The following CSMD1 variants were observed in gnomAD, a reference collection of about 807,000 sequenced individuals.
CSMD1 encodes the protein CUB and Sushi multiple domains 1.
A neutral mutation model predicts 417.5 loss-of-function variants in CSMD1; 213 were observed. The observed-to-expected ratio is 0.51, with a 90% confidence interval of 0.46 to 0.57. The LOEUF (loss-of-function observed/expected upper bound fraction) is 0.57, where lower values mean the gene tolerates loss of function less well. Among genes scored for constraint, CSMD1 ranks in the 20% least tolerant of loss-of-function variants. The pLI is 0.00. For missense variants in CSMD1, 6,923 were observed against 4,529.7 expected (o/e 1.53, Z -15.17); for synonymous variants, 2,862 against 1,736.8 (o/e 1.65, Z -16.11).
rs554724047 is a variant in CSMD1 at position 4,664,145 on chromosome 8, G to A, written c.86-26587C>T. Among the ~76,000 whole-genome samples, 3 of 152,284 alleles carry A rather than the reference G, an allele frequency of 2.0e-5. No homozygotes were observed. The South Asian group carries it at 6.2e-4, about 32-fold the overall frequency. ...CACACCTGGACAGGTACACCAGCTG[G>A]TAAAGAGAGAGATACTCTCCCTGCG... is the stretch of plus-strand genomic sequence containing the variant. On this transcript the variant is annotated intron_variant, in intron 1 of 69. Coordinates refer to ENST00000635120, the MANE Select transcript of CSMD1 (RefSeq NM_033225.6).
In CSMD1 at chr8:3,181,091, C is replaced by T. The variant is rs1292800628; in HGVS notation, c.5725+19G>A. ...TCAGTATAACAGTGGAAGCTGTATA[C>T]AGAAAGAGTTGACCTTACTTTTGTA... On this transcript the variant is annotated intron_variant, in intron 37 of 69. Transcript: ENST00000635120. 1.3e-6 allele frequency: 2 copies of T among 1,525,170 alleles called. No homozygotes were observed. The highest frequency in any genetic ancestry group is 1.7e-5 in the Admixed American group (1 of 59,590). 94.5% of individuals were successfully genotyped at this position (1,525,170 alleles called of 1,614,324 possible).
At chr8:4,306,503 G>GCT (rs1490272331) in intron 3 of CSMD1, among the ~76,000 whole-genome samples, 2 of 152,018 alleles carry the variant, frequency 1.3e-5, no homozygotes, top group Non-Finnish European at 2.9e-5. Context: ...CTCATTTCTA[G>GCT]AACCACTGAT....
chr8:3,570,626 TG>T (rs1345810526), intron 10 of CSMD1, among the ~76,000 whole-genome samples: 2 of 152,200 alleles, frequency 1.3e-5, no homozygotes, highest in Admixed American at 1.3e-4. Context: ...GAATACAACC[TG>T]GAAGCTCCCT....
intron 18 of CSMD1, chr8:3,373,832 G>A (rs1045479627): frequency 1.3e-5 from 2 of 152,134 alleles, no homozygotes; most frequent in African/African-American, 2.4e-5. Context: ...AAGGATGCAG[G>A]TATGTTACAT....
intron 3 of CSMD1, among the ~76,000 whole-genome samples, chr8:4,255,534 C>T (rs187412565): frequency 6.6e-6 from 1 of 152,282 alleles, no homozygotes; most frequent in East Asian, 1.9e-4. Context: ...TTAAAAGTCG[C>T]AATCACTTTT....
intron 1 of CSMD1, among the ~76,000 whole-genome samples, chr8:4,947,603 T>C (rs559351103): frequency 2.0e-5 from 3 of 152,116 alleles, no homozygotes; most frequent in Admixed American, 6.5e-5. Context: ...TTCCCCTACA[T>C]GTAAACTTAC....
chr8:3,298,988 C>T (rs1234775121), intron 25 of CSMD1, among the ~76,000 whole-genome samples: 1 of 152,120 alleles, frequency 6.6e-6, no homozygotes, highest in African/African-American at 2.4e-5. Flanking sequence ...CAAACATGCA[C>T]CCTGGTACCA....
intron 3 of CSMD1, among the ~76,000 whole-genome samples, chr8:4,141,772 C>T (rs1172317987): frequency 6.6e-6 from 1 of 151,068 alleles, no homozygotes; most frequent in Non-Finnish European, 1.5e-5. Context: ...CGACAATACA[C>T]AGAAGTGAAA....
chr8:4,740,777 T>C (rs549428349), intron 1 of CSMD1, among the ~76,000 whole-genome samples: 1 of 152,218 alleles, frequency 6.6e-6, no homozygotes, highest in Non-Finnish European at 1.5e-5. Flanking sequence ...ACCTCTTCTC[T>C]TAGGTATATT....
At chr8:3,900,177 T>G (rs934170515) in intron 5 of CSMD1, among the ~76,000 whole-genome samples, 1 of 151,746 alleles carries the variant, frequency 6.6e-6, no homozygotes, top group Non-Finnish European at 1.5e-5. Context: ...TGGGTGACAG[T>G]GTAGCTGGGT....
chr8:4,142,365 A>G (rs1265959715), intron 3 of CSMD1, among the ~76,000 whole-genome samples: 2 of 151,042 alleles, frequency 1.3e-5, no homozygotes, highest in Non-Finnish European at 2.9e-5. Flanking sequence ...GGCTGTAGGC[A>G]AATATTAGAG....
intron 7 of CSMD1, among the ~76,000 whole-genome samples, chr8:3,646,650 G>C (rs534692156): frequency 6.6e-6 from 1 of 152,266 alleles, no homozygotes; most frequent in Non-Finnish European, 1.5e-5. Context: ...TGCCAAAGCC[G>C]TGCTCAGAGG....
chr8:4,210,547 A>G lies in CSMD1; in HGVS notation c.416-178448T>C, dbSNP rs376911651. 1.0e-3 allele frequency among the ~76,000 whole-genome samples: 155 copies of G among 152,308 alleles called. No individual in the cohort carries two copies. The Middle Eastern group carries it at 0.017, about 17-fold the overall frequency. On this transcript the variant is annotated intron_variant, in intron 3 of 69. Transcript: ENST00000635120. ...AATTGGTTCATCTTTGACTTTTAAG[A>G]AAGCACAAATAGGAAACACAATATC...
At chr8:4,717,563 T>TATCA (rs765602082) in intron 1 of CSMD1, among the ~76,000 whole-genome samples, 1 of 137,166 alleles carries the variant, frequency 7.3e-6, no homozygotes, top group African/African-American at 2.8e-5. Flanking sequence ...TCTATCTATC[T>TATCA]ATCCATCCAT....
At chr8:3,939,673 G>A (rs1471607426) in intron 5 of CSMD1, among the ~76,000 whole-genome samples, 5 of 152,122 alleles carry the variant, frequency 3.3e-5, no homozygotes, top group Non-Finnish European at 5.9e-5. Flanking sequence ...ACACCATGGA[G>A]TAGTAGTCAG....
intron 3 of CSMD1, among the ~76,000 whole-genome samples, chr8:4,090,878 G>A (rs1800681519): frequency 6.6e-6 from 1 of 151,810 alleles, no homozygotes; most frequent in African/African-American, 2.4e-5. Flanking sequence ...ACTAATGGAT[G>A]CTGTCTACAT....
At chr8:3,392,330 C>T (rs1300733861) in intron 17 of CSMD1, among the ~76,000 whole-genome samples, 2 of 152,058 alleles carry the variant, frequency 1.3e-5, no homozygotes, top group South Asian at 2.1e-4. Context: ...TCACAGGCAA[C>T]CCACTTTCAA....
intron 3 of CSMD1, among the ~76,000 whole-genome samples, chr8:4,346,126 G>C (rs553288144): frequency 1.3e-5 from 2 of 152,034 alleles, no homozygotes; most frequent in African/African-American, 4.8e-5. Context: ...AGGACCTGGA[G>C]GTTTTTCTAC....
At chr8:4,916,865 A>G (rs187189563) in intron 1 of CSMD1, among the ~76,000 whole-genome samples, 2 of 152,374 alleles carry the variant, frequency 1.3e-5, no homozygotes, top group Admixed American at 6.5e-5. Context: ...AAGAAATGAC[A>G]GAAAGGAATC....
Sources: allele counts gnomAD v4.1 joint callset (sites outside exome capture counted in the v4.1 genomes callset), GRCh38; gene constraint gnomAD v4.1.1; transcripts MANE v1.5; gene names NCBI Gene and HGNC (gene_info 2026-07-23, HGNC 2026-07-21).